The following VWA8 variants were observed in gnomAD, a reference collection of about 807,000 sequenced individuals.
VWA8 encodes von Willebrand factor A domain containing 8, also known as von Willebrand factor A domain-containing protein 8.
A neutral mutation model predicts 241.5 loss-of-function variants in VWA8; 221 were observed. The observed-to-expected ratio is 0.91, with a 90% CI of 0.82 to 1.02. VWA8 has a LOEUF of 1.02. VWA8 is among the 50% of genes least tolerant of loss of function. The probability of loss-of-function intolerance (pLI) is 0.00; values close to 1 mark genes in which losing one functional copy is unlikely to be tolerated. For synonymous variants in VWA8, 852 were observed against 827.1 expected (o/e 1.03, Z -0.52); for missense variants, 2,322 against 2,328.7 (o/e 1.00, Z 0.06).
chr13:41,833,204 G>A (rs1324296871), intron 13 of VWA8, among the ~76,000 whole-genome samples, 167 bp downstream of exon 13: 7 of 151,888 alleles, frequency 4.6e-5, no homozygotes, highest in African/African-American at 1.5e-4. Context: ...ACTGCATTGT[G>A]TTTATAACAA....
chr13:41,623,264 AC>A (rs889053544), intron 37 of VWA8, among the ~76,000 whole-genome samples: 9 of 152,182 alleles, frequency 5.9e-5, no homozygotes, highest in African/African-American at 2.2e-4. Context: ...CCACATGGTG[AC>A]CATGTGTTAA....
At chr13:41,787,359 C>T (rs1392888127) in intron 18 of VWA8, 78 bp downstream of exon 18, 9 of 1,175,046 alleles carry the variant, frequency 7.7e-6, no homozygotes, top group Admixed American at 2.0e-5. Flanking sequence ...TTTATTTTAA[C>T]TGGAATTAAA....
At chr13:41,769,941 G>A (rs1289975149) in intron 20 of VWA8, among the ~76,000 whole-genome samples, 2 of 152,106 alleles carry the variant, frequency 1.3e-5, no homozygotes, top group African/African-American at 4.8e-5. Flanking sequence ...AAAGACGATT[G>A]AATCAACATA....
chr13:41,921,088 A>G (rs1216908824), intron 2 of VWA8, among the ~76,000 whole-genome samples: 1 of 152,220 alleles, frequency 6.6e-6, no homozygotes, highest in Non-Finnish European at 1.5e-5. Context: ...CTTATCCGCC[A>G]TGATCAAGTT....
chr13:41,765,741 T>C (rs1490592577), intron 20 of VWA8, among the ~76,000 whole-genome samples: 6 of 152,210 alleles, frequency 3.9e-5, no homozygotes, highest in Non-Finnish European at 7.3e-5. Flanking sequence ...TATTTATCTT[T>C]ACTTACTAAA....
chr13:41,769,818 T>C (rs1388231975), intron 20 of VWA8, among the ~76,000 whole-genome samples: 2 of 152,190 alleles, frequency 1.3e-5, no homozygotes, highest in Non-Finnish European at 1.5e-5. Flanking sequence ...TGAAATTATA[T>C]AAAAGTACAT....
At chr13:41,897,659 G>A (rs984786618) in intron 4 of VWA8, among the ~76,000 whole-genome samples, 4 of 152,106 alleles carry the variant, frequency 2.6e-5, no homozygotes, top group Non-Finnish European at 5.9e-5. Flanking sequence ...TTAAGGCTGC[G>A]CGTCTGGAGT....
intron 12 of VWA8, among the ~76,000 whole-genome samples, chr13:41,844,095 T>C (rs1429336091): frequency 6.6e-6 from 1 of 152,142 alleles, no homozygotes; most frequent in African/African-American, 2.4e-5. Context: ...CTCAACAAAA[T>C]ACTAGCAAAA....
chr13:41,916,265 A>G (rs940928275), intron 2 of VWA8, among the ~76,000 whole-genome samples: 1 of 152,224 alleles, frequency 6.6e-6, no homozygotes, highest in Non-Finnish European at 1.5e-5. Flanking sequence ...TCATTTGTCT[A>G]TAGCTGCTAA....
chr13:41,919,453 G>A (rs1239595459), intron 2 of VWA8, among the ~76,000 whole-genome samples: 1 of 152,224 alleles, frequency 6.6e-6, no homozygotes. Flanking sequence ...CCCTGCCTGA[G>A]CTGCTACTGT....
At chr13:41,777,591 C>A (rs1334561713) in intron 20 of VWA8, among the ~76,000 whole-genome samples, 1 of 152,116 alleles carries the variant, frequency 6.6e-6, no homozygotes, top group South Asian at 2.1e-4. Flanking sequence ...GAGGCTCAAT[C>A]AGATTTTAGT....
chr13:41,644,406 C>T (rs145620991), intron 37 of VWA8, among the ~76,000 whole-genome samples: 1 of 152,288 alleles, frequency 6.6e-6, no homozygotes, highest in East Asian at 1.9e-4. Flanking sequence ...ACATTTTGTT[C>T]AAGGACATTT....
At chr13:41,949,789 G>T in intron 2 of VWA8, 147 bp downstream of exon 2, 1 of 452,652 alleles carries the variant, frequency 2.2e-6, no homozygotes, top group Non-Finnish European at 3.9e-6. Flanking sequence ...TCAGTTAAAA[G>T]AAGATTGGCA....
At chr13:41,788,199 C>T (rs1255882023) in intron 17 of VWA8, among the ~76,000 whole-genome samples, 3 of 152,202 alleles carry the variant, frequency 2.0e-5, no homozygotes, top group Admixed American at 1.3e-4. Context: ...AGTGAGCCAA[C>T]GGATATGACT....
chr13:41,816,761 A>T lies in VWA8; in HGVS notation c.1884T>A (p.Pro628=), dbSNP rs1870714331. Residue 628 remains proline, a synonymous_variant, in exon 16 of 45, where the codon CCT becomes CCA. Transcript: ENST00000379310. ...ATAATAACTTATCCAGAGCTTCCTG[A>T]GGTACATTTGGGACCTATTTTTTGA... is the stretch of plus-strand genomic sequence containing the variant. ...QVIKEKVPNV[P]QEALDKLLSF... The T allele has an allele frequency of 6.2e-7, 1 of 1,613,302 alleles. No homozygotes were observed. Among genetic ancestry groups the T allele is most frequent in the African/African-American group, 1.3e-5 (1 of 74,888 alleles).
intron 4 of VWA8, among the ~76,000 whole-genome samples, chr13:41,891,822 G>A (rs993896712): frequency 6.6e-6 from 1 of 152,132 alleles, no homozygotes; most frequent in Admixed American, 6.6e-5. Context: ...AAAGAGGATC[G>A]CTGAAGTTCC....
At chr13:41,640,523 ATCAT>A (rs1188088906) in intron 37 of VWA8, among the ~76,000 whole-genome samples, 2 of 152,250 alleles carry the variant, frequency 1.3e-5, no homozygotes, top group African/African-American at 2.4e-5. Context: ...AGAAAAAGCA[ATCAT>A]TCAGAGTGTT....
intron 2 of VWA8, chr13:41,926,245 G>T: frequency 1.5e-6 from 1 of 679,020 alleles, no homozygotes; most frequent in Non-Finnish European, 2.7e-6. Context: ...CATCTTCACT[G>T]TGGCCTCAAA....
intron 12 of VWA8, among the ~76,000 whole-genome samples, chr13:41,836,041 CCT>C (rs1314571993): frequency 1.3e-5 from 2 of 152,152 alleles, no homozygotes; most frequent in African/African-American, 4.8e-5. Context: ...CAACATGGGG[CCT>C]ACCATCTGTT....
Sources: gnomAD v4.1 joint callset for allele counts (sites outside exome capture counted in the v4.1 genomes callset) on GRCh38, gnomAD v4.1.1 for gene constraint, MANE v1.5 for transcripts, NCBI Gene and HGNC (gene_info 2026-07-23, HGNC 2026-07-21) for gene names.